The following RNF125 variants were observed in gnomAD, a reference collection of about 807,000 sequenced individuals.
RNF125 encodes ring finger protein 125, also known as E3 ubiquitin-protein ligase RNF125.
RNF125 carries 21 observed loss-of-function variants against 26.0 expected under a neutral mutation model. The ratio of observed to expected loss-of-function variants is 0.81; its 90% CI spans 0.57 to 1.16. The LOEUF is 1.16. Among genes scored for constraint, RNF125 ranks in the 50% most tolerant of loss-of-function variants. RNF125 has a pLI of 0.00. For synonymous variants in RNF125, 95 were observed against 109.2 expected (o/e 0.87, Z 0.81); for missense variants, 270 against 299.4 (o/e 0.90, Z 0.72).
At chr18:32,032,862 C>CA (rs1568195114) in intron 1 of RNF125, among the ~76,000 whole-genome samples, 1 of 151,724 alleles carries the variant, frequency 6.6e-6, no homozygotes, top group Non-Finnish European at 1.5e-5. Flanking sequence ...CAAAAAAAAC[C>CA]AAAAAAACCC....
intron 4 of RNF125, among the ~76,000 whole-genome samples, chr18:32,059,523 TC>T: frequency 6.6e-6 from 1 of 152,208 alleles, no homozygotes; most frequent in Non-Finnish European, 1.5e-5. Flanking sequence ...TGGTTATTAA[TC>T]CCTTGTCAGA....
At chr18:32,075,820 T>TTTG (rs1023674245), downstream of RNF125, 3 of 656,374 alleles carry the variant, frequency 4.6e-6, no homozygotes, top group Admixed American at 2.4e-5. Context: ...CATTGTTTTC[T>TTTG]TTGTTGTTGT....
chr18:32,028,913 T>C (rs1038751130), intron 1 of RNF125, among the ~76,000 whole-genome samples: 8 of 152,146 alleles, frequency 5.3e-5, no homozygotes, highest in Non-Finnish European at 1.2e-4. Context: ...ATTTGTAAAA[T>C]GGGGTGAGTA....
rs947864420 is a variant in RNF125, at chr18:32,030,289, C to T, written c.165-6827C>T. ...AACTCCAGACCTCAGGTGATCCGCC[C>T]GCCTCTCCCTCCCAAAGTGCTGGGA... On this transcript the variant is annotated intron_variant, in intron 1 of 5. Transcript: ENST00000217740. 4.6e-5 allele frequency among the ~76,000 whole-genome samples: 7 copies of T among 152,266 alleles called. No homozygotes were observed. The East Asian group carries it at 5.8e-4, about 13-fold the overall frequency.
At chr18:32,060,604 T>A (rs2039425721) in intron 4 of RNF125, among the ~76,000 whole-genome samples, 1 of 152,116 alleles carries the variant, frequency 6.6e-6, no homozygotes, top group South Asian at 2.1e-4. Flanking sequence ...TAAGAAAGGA[T>A]GAGCTGATGT....
At chr18:32,047,917 G>T (rs1284362709) in intron 4 of RNF125, among the ~76,000 whole-genome samples, 1 of 152,174 alleles carries the variant, frequency 6.6e-6, no homozygotes, top group East Asian at 1.9e-4. Context: ...TTGAGGCCAA[G>T]AGTTCGAGAC....
rs778171272 is a variant in RNF125 at position 32,037,205 on chromosome 18, C to T, written c.254C>T (p.Pro85Leu). 3.1e-6 allele frequency: 5 copies of T among 1,606,032 alleles called. No homozygotes were observed. Among genetic ancestry groups the T allele is most frequent in the East Asian group, 2.3e-5 (1 of 44,308 alleles). The change falls in exon 2 of 6, where the codon CCA becomes CTA. Residue 85 changes from proline (P) to leucine (L), a missense_variant. Transcript: ENST00000217740. The stretch of plus-strand genomic sequence containing the variant: ...GCATATCTTCCTTCAGAAGGAGTTC[C>T]AGCAACTGATGTAGCCAAAAGAATG... The part of the protein sequence containing the change: ...CRAYLPSEGV[P>L]ATDVAKRMKS...
chr18:32,028,753 T>C (rs1184711288), intron 1 of RNF125, among the ~76,000 whole-genome samples: 2 of 151,852 alleles, frequency 1.3e-5, no homozygotes, highest in Non-Finnish European at 2.9e-5. Flanking sequence ...GGGGTTTTGC[T>C]ATGTTGGCCA....
intron 1 of RNF125, among the ~76,000 whole-genome samples, chr18:32,034,339 GAGCAGGGCGGCAGCT>G (rs895488878): frequency 8.1e-4 from 123 of 152,220 alleles, no homozygotes; most frequent in African/African-American, 2.8e-3. Flanking sequence ...TCTTTCTCTT[GAGCAGGGCGGCAGCT>G]GCAGCGGGAC....
downstream of RNF125, among the ~76,000 whole-genome samples, chr18:32,074,376 G>A (rs1017335156): frequency 5.9e-4 from 90 of 152,136 alleles, no homozygotes; most frequent in Non-Finnish European, 1.8e-4. Flanking sequence ...AGGCATAATA[G>A]TAATACCAAC....
Position 32,072,219 on chromosome 18 carries a change from A to G in RNF125, c.*3835A>G. ...CTGTCTCCAAAAACATAAATAATTAAATATAAATAAAAATAAAGCAAAATC... is the reference window on the plus strand; with the variant it reads ...CTGTCTCCAAAAACATAAATAATTAGATATAAATAAAAATAAAGCAAAATC... On this transcript the variant is annotated 3_prime_UTR_variant, in exon 6 of 6. Transcript: ENST00000217740. 6.6e-6 allele frequency: 1 copy of G among 152,240 alleles called. No individual in the cohort carries two copies. The highest frequency in any genetic ancestry group is 1.9e-4 in the East Asian group (1 of 5,188). 9.4% of individuals were successfully genotyped at this position (152,240 alleles called of 1,614,324 possible). A position where few individuals can be genotyped will look rare whatever the true frequency, so the allele number is the denominator to read the frequency against.
intron 1 of RNF125, among the ~76,000 whole-genome samples, chr18:32,021,018 G>A (rs2038981207): frequency 6.6e-6 from 1 of 152,184 alleles, no homozygotes; most frequent in African/African-American, 2.4e-5. Flanking sequence ...TGTGAGCCAG[G>A]GACAAAAGTG....
At position 32,038,108 on chromosome 18, in the gene RNF125, G is replaced by A. The variant is rs1426393644; in HGVS notation, c.318+839G>A. ...CTGTCGCCCAGGCTGCAGTGTAGTG[G>A]CGCCATCTCGGCCCACTGCAAGCTC... On this transcript the variant is annotated intron_variant, in intron 2 of 5. Transcript: ENST00000217740. Among the ~76,000 whole-genome samples, 6 of 148,594 alleles carry A rather than the reference G, an allele frequency of 4.0e-5. No homozygotes were observed. The Admixed American group carries it at 4.1e-4, about 10-fold the overall frequency.
intron 4 of RNF125, among the ~76,000 whole-genome samples, chr18:32,048,112 A>G (rs2039289535): frequency 6.6e-6 from 1 of 151,822 alleles, no homozygotes; most frequent in Admixed American, 6.6e-5. Flanking sequence ...CTGGGTGATA[A>G]AACAAGAACC....
At chr18:32,062,946 G>A (rs2039448049) in intron 4 of RNF125, among the ~76,000 whole-genome samples, 1 of 152,056 alleles carries the variant, frequency 6.6e-6, no homozygotes, top group Non-Finnish European at 1.5e-5. Context: ...TGGGCCGGGT[G>A]GGGTGGCTCA....
chr18:32,077,334 A>ATTTTTTTT (rs552701343), downstream of RNF125, among the ~76,000 whole-genome samples: 4 of 107,880 alleles, frequency 3.7e-5, no homozygotes, highest in Non-Finnish European at 7.1e-5. Flanking sequence ...CCCTCTCCCC[A>ATTTTTTTT]TTTTTTTTTT....
chr18:32,027,825 T>C (rs918674147), intron 1 of RNF125, among the ~76,000 whole-genome samples: 2 of 151,826 alleles, frequency 1.3e-5, no homozygotes, highest in Admixed American at 6.6e-5. Flanking sequence ...GTGGGAGTCA[T>C]ACAAAATATG....
chr18:32,042,064 T>C (rs2039226121), intron 2 of RNF125, 115 bp from the exon 3 acceptor site: 1 of 713,464 alleles, frequency 1.4e-6, no homozygotes, highest in Admixed American at 2.4e-5. Context: ...ATGCATCTAT[T>C]TAGTCAGTTG....
chr18:32,048,470 AAG>A (rs1555693186), intron 4 of RNF125, among the ~76,000 whole-genome samples: 5 of 151,912 alleles, frequency 3.3e-5, no homozygotes, highest in Non-Finnish European at 4.4e-5. Context: ...CTCAAAAAAA[AAG>A]AGAGAAAATC....
Sources: gnomAD v4.1 joint callset for allele counts (sites outside exome capture counted in the v4.1 genomes callset) on GRCh38, gnomAD v4.1.1 for gene constraint, MANE v1.5 for transcripts, NCBI Gene and HGNC (gene_info 2026-07-23, HGNC 2026-07-21) for gene names.